Variants in CLVS1 observed in about 807,000 individuals in gnomAD.
The protein encoded by CLVS1 is clavesin-1.
In CLVS1, 10 loss-of-function variants were observed where a neutral mutation model predicts 33.1. The ratio of observed to expected loss-of-function variants is 0.30; its 90% CI spans 0.19 to 0.51. The LOEUF (loss-of-function observed/expected upper bound fraction) is 0.51, where lower values mean the gene tolerates loss of function less well. Among genes scored for constraint, CLVS1 ranks in the 20% least tolerant of loss-of-function variants. The probability of loss-of-function intolerance (pLI) is 0.97; values close to 1 mark genes in which losing one functional copy is unlikely to be tolerated. For missense variants in CLVS1, 343 were observed against 433.4 expected, an observed-to-expected ratio of 0.79 and a Z score of 1.85; for synonymous variants, 163 against 166.1, an observed-to-expected ratio of 0.98 and a Z score of 0.14.
intron 3 of CLVS1, among the ~76,000 whole-genome samples, chr8:61,399,905 T>C (rs1323904206): frequency 6.6e-6 from 1 of 152,188 alleles, no homozygotes; most frequent in African/African-American, 2.4e-5. Context: ...TGTCTGTTCT[T>C]GTGCCATTAC....
At chr8:61,246,358 T>C (rs1159119293) in intron 2 of CLVS1, among the ~76,000 whole-genome samples, 1 of 150,878 alleles carries the variant, frequency 6.6e-6, no homozygotes, top group Admixed American at 6.6e-5. Context: ...TTAGTAGAGA[T>C]GGGGTTGCAC....
chr8:61,443,157 C>T (rs576683450), intron 3 of CLVS1, among the ~76,000 whole-genome samples: 2 of 152,240 alleles, frequency 1.3e-5, no homozygotes, highest in South Asian at 4.1e-4. Flanking sequence ...ATGTAATTTG[C>T]AAATACGTTA....
chr8:61,048,204 C>T, the CLVS1 span, among the ~76,000 whole-genome samples: 2 of 152,114 alleles, frequency 1.3e-5, no homozygotes, highest in East Asian at 1.9e-4. Flanking sequence ...AGATCCTGCA[C>T]GAAAGTCACC....
intron 2 of CLVS1, among the ~76,000 whole-genome samples, chr8:61,345,463 A>G (rs1812180009): frequency 6.6e-6 from 1 of 152,192 alleles, no homozygotes; most frequent in Non-Finnish European, 1.5e-5. Flanking sequence ...ACGGATGCAG[A>G]GGACACCCTT....
chr8:61,461,847 CCTT>C (rs1229397570), intron 5 of CLVS1, among the ~76,000 whole-genome samples: 2 of 152,154 alleles, frequency 1.3e-5, no homozygotes, highest in African/African-American at 4.8e-5. Flanking sequence ...TCTATGAGAA[CCTT>C]CTTCTCCATA....
chr8:61,442,072 C>G (rs1032718987), intron 3 of CLVS1, among the ~76,000 whole-genome samples: 3 of 152,174 alleles, frequency 2.0e-5, no homozygotes, highest in African/African-American at 7.2e-5. Context: ...TATAGGCACA[C>G]TCACTTCCCT....
chr8:61,154,393 A>C (rs1806610362), intron 2 of CLVS1, among the ~76,000 whole-genome samples: 1 of 152,218 alleles, frequency 6.6e-6, no homozygotes, highest in South Asian at 2.1e-4. Flanking sequence ...CAATTCAAAA[A>C]TCAGAAACAA....
chr8:61,147,584 C>T (rs1446276051), intron 2 of CLVS1, among the ~76,000 whole-genome samples: 1 of 152,084 alleles, frequency 6.6e-6, no homozygotes, highest in Non-Finnish European at 1.5e-5. Flanking sequence ...TTCTGCTTTA[C>T]CCTCTGAAAA....
intron 3 of CLVS1, among the ~76,000 whole-genome samples, chr8:61,451,936 G>A (rs2129606938): frequency 6.6e-6 from 1 of 152,218 alleles, no homozygotes; most frequent in Middle Eastern, 3.4e-3. Flanking sequence ...CATGTGACTT[G>A]TATAGGAAGT....
intron 2 of CLVS1, among the ~76,000 whole-genome samples, chr8:61,373,334 A>G (rs1813515241): frequency 6.6e-6 from 1 of 152,180 alleles, no homozygotes; most frequent in African/African-American, 2.4e-5. Context: ...AAAGTAAAGC[A>G]TTCAAACATT....
chr8:61,115,157 G>T (rs536443135), intron 1 of CLVS1, among the ~76,000 whole-genome samples: 7 of 152,278 alleles, frequency 4.6e-5, no homozygotes, highest in African/African-American at 1.7e-4. Context: ...ATTCAGTTCT[G>T]CTACTTACCA....
chr8:61,093,487 C>CA (rs541158970), intron 1 of CLVS1, among the ~76,000 whole-genome samples: 14 of 152,174 alleles, frequency 9.2e-5, no homozygotes, highest in South Asian at 2.1e-4. Flanking sequence ...AATGTGCTTA[C>CA]AAAAAAACCC....
chr8:61,254,249 G>A (rs1290813886), intron 2 of CLVS1, among the ~76,000 whole-genome samples: 2 of 152,206 alleles, frequency 1.3e-5, no homozygotes, highest in East Asian at 3.9e-4. Flanking sequence ...TTGGTGAACA[G>A]CAAATGTTGC....
intron 2 of CLVS1, chr8:61,203,097 A>G: frequency 1.6e-6 from 2 of 1,276,032 alleles, no homozygotes; most frequent in East Asian, 2.3e-5. Context: ...GCAAAAATGC[A>G]AGCAAGTATA....
At chr8:61,151,542 A>G (rs11778157) in intron 2 of CLVS1, among the ~76,000 whole-genome samples, 32,944 of 151,998 alleles carry the variant, frequency 0.22, 3,679 homozygotes, top group Admixed American at 0.28. Context: ...TAAAGTGAGA[A>G]TAGGGCCCTA....
chr8:61,486,441 T>C (rs1160659343), intron 5 of CLVS1, among the ~76,000 whole-genome samples: 1 of 152,226 alleles, frequency 6.6e-6, no homozygotes, highest in African/African-American at 2.4e-5. Context: ...GACCTGGAGG[T>C]ATTACTGTAA....
chr8:60,981,776 T>C, the CLVS1 span, among the ~76,000 whole-genome samples: 1 of 152,334 alleles, frequency 6.6e-6, no homozygotes, highest in Middle Eastern at 3.4e-3. Flanking sequence ...GAGTCCTGTC[T>C]GCCGGGAGGC....
chr8:61,142,536 A>G (rs1450053204), intron 2 of CLVS1, among the ~76,000 whole-genome samples: 1 of 152,242 alleles, frequency 6.6e-6, no homozygotes, highest in South Asian at 2.1e-4. Flanking sequence ...AGGGAAAGGA[A>G]GAAACAATGC....
chr8:61,154,113 C>T (rs1406181810), intron 2 of CLVS1, among the ~76,000 whole-genome samples: 1 of 152,158 alleles, frequency 6.6e-6, no homozygotes, highest in Non-Finnish European at 1.5e-5. Flanking sequence ...CAGCACTGTT[C>T]CTGCTTTTGT....
Sources: gnomAD v4.1 joint callset for allele counts (sites outside exome capture counted in the v4.1 genomes callset) on GRCh38, gnomAD v4.1.1 for gene constraint, MANE v1.5 for transcripts, NCBI Gene and HGNC (gene_info 2026-07-23, HGNC 2026-07-21) for gene names.